Variants in BRCA2 observed in about 807,000 individuals in gnomAD.
The protein encoded by BRCA2 is BRCA2 DNA repair associated.
Under a neutral mutation model 276.7 loss-of-function variants are expected in BRCA2, and 203 were observed. The ratio of observed to expected loss-of-function variants is 0.73; its 90% CI spans 0.65 to 0.82. The LOEUF is 0.82. BRCA2 is among the 40% of genes least tolerant of loss of function. BRCA2 has a pLI of 0.00. For missense variants in BRCA2, 3,920 were observed against 3,915.0 expected (o/e 1.00, Z -0.03); for synonymous variants, 1,289 against 1,338.4 (o/e 0.96, Z 0.81).
At chr13:32,351,657 A>G (rs148274296) in intron 13 of BRCA2, among the ~76,000 whole-genome samples, 1 of 152,334 alleles carries the variant, frequency 6.6e-6, no homozygotes, top group East Asian at 1.9e-4. Flanking sequence ...AAAGTCAAGA[A>G]GAAACATGTC....
chr13:32,333,967 C>T (rs2072430206), intron 10 of BRCA2, among the ~76,000 whole-genome samples: 1 of 152,200 alleles, frequency 6.6e-6, no homozygotes, highest in African/African-American at 2.4e-5. Context: ...CTTTTTATGG[C>T]TACATGGTAT....
chr13:32,369,035 C>T (rs1189455637), intron 18 of BRCA2, among the ~76,000 whole-genome samples: 2 of 152,004 alleles, frequency 1.3e-5, no homozygotes, highest in African/African-American at 2.4e-5. Flanking sequence ...GTCTCCAACT[C>T]CTGACCTTGT....
rs746274489 is a variant in BRCA2, at chr13:32,339,372, A to C, written c.5017A>C (p.Thr1673Pro). The C allele has an allele frequency of 1.9e-6, 3 of 1,591,852 alleles. No individual in the cohort carries two copies. Among genetic ancestry groups the C allele is most frequent in the Non-Finnish European group, 2.6e-6 (3 of 1,170,314 alleles). ...VIENSALAFYTSCSRKTSVSQ... is the reference protein window; with the variant it reads ...VIENSALAFYPSCSRKTSVSQ... ...TGAAAATTCAGCCTTAGCTTTTTAC[A>C]CAAGTTGTAGTAGAAAAACTTCTGT... is the stretch of plus-strand genomic sequence containing the variant. The change falls in exon 11 of 27, where the codon ACA (threonine) becomes CCA (proline). Residue 1673 changes from threonine (T) to proline (P), a missense_variant. Thr to Pro is a conservative substitution (Grantham distance 38). Around this residue, in one of 2 missense-constraint regions of BRCA2, gnomAD observed 3,263 missense variants for 3,156.9 expected, o/e 1.03. Transcript: ENST00000380152.
chr13:32,340,294 C>T lies in BRCA2; in HGVS notation c.5939C>T (p.Thr1980Ile), dbSNP rs80358827. 4 of 1,613,936 alleles carry T rather than the reference C, an allele frequency of 2.5e-6. No homozygotes were observed. The highest frequency in any genetic ancestry group is 1.7e-4 in the Middle Eastern group (1 of 6,060). ...SSANTCGIFS[T>I]ASGKSVQVSD... ...GCAAATACTTGTGGGATTTTTAGCA[C>T]AGCAAGTGGAAAATCTGTCCAGGTA... is the stretch of plus-strand genomic sequence containing the variant. The change falls in exon 11 of 27, where the codon ACA becomes ATA. Residue 1980 changes from threonine (T) to isoleucine (I), a missense_variant. Physicochemically the swap from Thr to Ile is moderately conservative, Grantham distance 89. Coordinates refer to ENST00000380152, the MANE Select transcript of BRCA2 (RefSeq NM_000059.4).
At position 32,346,847 on chromosome 13, in the gene BRCA2, T is replaced by TTGTTTA; in HGVS notation, c.6961_6966dup (p.Phe2321_Met2322dup). 1 of 1,609,226 alleles carries TTGTTTA rather than the reference T, an allele frequency of 6.2e-7. No homozygotes were observed. The highest frequency in any genetic ancestry group is 1.1e-5 in the South Asian group (1 of 90,432). ...CCTAGGCACAATAAAAGATCGAAGA[T>TTGTTTA]TGTTTATGCATCATGTTTCTTTAGA... is the stretch of plus-strand genomic sequence containing the variant. On this transcript the variant is annotated inframe_insertion, in exon 13 of 27. Coordinates refer to ENST00000380152, the MANE Select transcript of BRCA2 (RefSeq NM_000059.4).
rs81002905 is a variant in BRCA2, at chr13:32,329,427, A to C, written c.632-16A>C. 13 of 1,576,212 alleles carry C rather than the reference A, an allele frequency of 8.2e-6. No homozygotes were observed. The highest frequency in any genetic ancestry group is 1.7e-4 in the Middle Eastern group (1 of 5,994). On this transcript the variant is annotated splice_polypyrimidine_tract_variant and intron_variant, in intron 7 of 26. Coordinates refer to ENST00000380152, the MANE Select transcript of BRCA2 (RefSeq NM_000059.4). ...CTAGTGATAATATACAATACACATA[A>C]ATTTTTATCTTACAGTCAGAAATGA...
chr13:32,316,715 G>C (rs2072264545), intron 2 of BRCA2, among the ~76,000 whole-genome samples, 188 bp downstream of exon 2: 1 of 152,190 alleles, frequency 6.6e-6, no homozygotes, highest in Non-Finnish European at 1.5e-5. Flanking sequence ...AGAACGTCTA[G>C]TGGATAAAGA....
At chr13:32,388,508 A>G (rs757412666) in intron 24 of BRCA2, among the ~76,000 whole-genome samples, 11 of 152,178 alleles carry the variant, frequency 7.2e-5, no homozygotes, top group Non-Finnish European at 1.3e-4. Flanking sequence ...ACAGTATGCA[A>G]TAAATTACAT....
intron 24 of BRCA2, among the ~76,000 whole-genome samples, chr13:32,389,942 G>A (rs779203212): frequency 4.6e-5 from 7 of 152,164 alleles, no homozygotes; most frequent in Non-Finnish European, 8.8e-5. Flanking sequence ...TACCAGTTTA[G>A]TTGGGGAAGG....
intron 24 of BRCA2, among the ~76,000 whole-genome samples, chr13:32,383,500 ATTG>A (rs988641187): frequency 2.0e-5 from 3 of 152,150 alleles, no homozygotes; most frequent in Non-Finnish European, 2.9e-5. Context: ...TCATGAATAT[ATTG>A]TTGTTGTGTG....
At position 32,396,702 on chromosome 13, in the gene BRCA2, C is replaced by T. The variant is rs754368242; in HGVS notation, c.9502-196C>T. 3 of 626,998 alleles carry T rather than the reference C, an allele frequency of 4.8e-6. No homozygotes were observed. The Admixed American group carries it at 8.0e-5, about 17-fold the overall frequency. The allele number at this position is 626,998 out of a possible 1,614,324, so 38.8% of individuals were successfully genotyped here. A position where few individuals can be genotyped will look rare whatever the true frequency, so the allele number is the denominator to read the frequency against. On this transcript the variant is annotated intron_variant, in intron 25 of 26. Coordinates refer to ENST00000380152, the MANE Select transcript of BRCA2 (RefSeq NM_000059.4). ...TTTTTCTCTGTTCCCCTCTCCCTAT[C>T]AGCTAGATTCCCCTAAATCACTGAT...
At chr13:32,325,259 C>A (rs2072336178) in intron 4 of BRCA2, 75 bp downstream of exon 4, 1 of 1,154,580 alleles carries the variant, frequency 8.7e-7, no homozygotes, top group Non-Finnish European at 1.2e-6. Flanking sequence ...AAAGATGAAT[C>A]TGATTTTTAT....
Position 32,338,716 on chromosome 13 carries a change from C to G in BRCA2, c.4361C>G (p.Pro1454Arg), listed in dbSNP as rs760773155. The G allele has an allele frequency of 6.3e-7, 1 of 1,596,160 alleles. No individual in the cohort carries two copies. Among genetic ancestry groups the G allele is most frequent in the Non-Finnish European group, 8.6e-7 (1 of 1,169,042 alleles). The change falls in exon 11 of 27, where the codon CCA becomes CGA. Residue 1454 changes from proline to arginine, a missense_variant. Pro to Arg is a moderately radical substitution (Grantham distance 103). Coordinates refer to ENST00000380152, the MANE Select transcript of BRCA2 (RefSeq NM_000059.4). The part of the protein sequence containing the change: ...NKIVNFFDQK[P>R]EELHNFSLNS... Reference sequence around the variant, plus strand: ...ATTGTAAATTTCTTTGATCAGAAACCAGAAGAATTGCATAACTTTTCCTTA... The same window carrying G: ...ATTGTAAATTTCTTTGATCAGAAACGAGAAGAATTGCATAACTTTTCCTTA...
intron 13 of BRCA2, among the ~76,000 whole-genome samples, chr13:32,347,609 G>T (rs2072620618): frequency 6.6e-6 from 1 of 152,202 alleles, no homozygotes; most frequent in East Asian, 1.9e-4. Flanking sequence ...GGGGACACCA[G>T]GCACAATTGA....
In BRCA2 at chr13:32,337,113, C is replaced by T. The variant is rs397507293; in HGVS notation, c.2758C>T (p.Pro920Ser). The T allele has an allele frequency of 6.2e-7, 1 of 1,613,732 alleles. No individual in the cohort carries two copies. The highest frequency in any genetic ancestry group is 2.2e-5 in the East Asian group (1 of 44,818). The change falls in exon 11 of 27, where the codon CCC (proline) becomes TCC (serine). Residue 920 changes from proline to serine, a missense_variant. By Grantham distance (74) the Pro-to-Ser change is moderately conservative. Transcript: ENST00000380152. Reference protein sequence around the residue: ...HETDLTCVNEPIFKNSTMVLY... With the variant: ...HETDLTCVNESIFKNSTMVLY... Reference sequence around the variant, plus strand: ...AACAGACTTGACTTGTGTAAACGAACCCATTTTCAAGAACTCTACCATGGT... The same window carrying T: ...AACAGACTTGACTTGTGTAAACGAATCCATTTTCAAGAACTCTACCATGGT...
At chr13:32,333,469 A>G (rs2137476746) in intron 10 of BRCA2, 82 bp downstream of exon 10, 2 of 1,418,228 alleles carry the variant, frequency 1.4e-6, no homozygotes, top group Non-Finnish European at 1.9e-6. Context: ...TCTGCTTTTT[A>G]AAATCTTCAT....
Position 32,340,613 on chromosome 13 carries a change from C to G in BRCA2, c.6258C>G (p.Ile2086Met), listed in dbSNP as rs1060504611. Residue 2086 changes from isoleucine (I) to methionine (M), a missense_variant, in exon 11 of 27, where the codon ATC becomes ATG. Transcript: ENST00000380152. ...GAGTGTTAGAGGAATTTGATTTAAT[C>G]AGAACTGAGCATAGTCTTCACTATT... The part of the protein sequence containing the change: ...VKGVLEEFDL[I>M]RTEHSLHYSP... 2.5e-6 allele frequency: 4 copies of G among 1,606,330 alleles called. No homozygotes were observed. In the East Asian group the frequency reaches 6.7e-5, roughly 27 times the overall value.
At chr13:32,387,977 G>A (rs908182998) in intron 24 of BRCA2, among the ~76,000 whole-genome samples, 6 of 152,088 alleles carry the variant, frequency 3.9e-5, no homozygotes, top group Admixed American at 3.9e-4. Context: ...GGTCTCCCGC[G>A]TCTTGATGGT....
chr13:32,328,236 T>C (rs2072364155), intron 7 of BRCA2, among the ~76,000 whole-genome samples: 1 of 151,798 alleles, frequency 6.6e-6, no homozygotes, highest in Non-Finnish European at 1.5e-5. Context: ...TTTCTCTTTT[T>C]TCTTTTTCGT....
Sources: gnomAD v4.1 joint callset for allele counts (sites outside exome capture counted in the v4.1 genomes callset) on GRCh38, gnomAD v4.1.1 for gene constraint, gnomAD v4.1.1 regional missense constraint, MANE v1.5 for transcripts, NCBI Gene and HGNC (gene_info 2026-07-23, HGNC 2026-07-21) for gene names.